TCF25: variants seen among roughly 807,000 people sequenced by gnomAD.
TCF25 encodes ribosome quality control complex subunit TCF25.
Under a neutral mutation model 83.1 loss-of-function variants are expected in TCF25, and 41 were observed. The ratio of observed to expected loss-of-function variants is 0.49; its 90% CI spans 0.38 to 0.64. The LOEUF (loss-of-function observed/expected upper bound fraction) is 0.64, where lower values mean the gene tolerates loss of function less well. Among genes scored for constraint, TCF25 ranks in the 30% least tolerant of loss-of-function variants. The pLI is 0.00. For synonymous variants in TCF25, 458 were observed against 365.0 expected, an observed-to-expected ratio of 1.25 and a Z score of -2.90; for missense variants, 979 against 914.5, an observed-to-expected ratio of 1.07 and a Z score of -0.91.
At chr16:89,907,405 TCCAACC>T (rs2044921005) in intron 16 of TCF25, 83 bp downstream of exon 16, 52 of 404,942 alleles carry the variant, frequency 1.3e-4, no homozygotes, top group Middle Eastern at 1.5e-3. Flanking sequence ...ACCTCCCAGC[TCCAACC>T]TTCCAGCTCC....
Position 89,883,396 on chromosome 16 carries a change from A to G in TCF25, c.238A>G (p.Arg80Gly), listed in dbSNP as rs1187437560. Reference sequence around the variant, plus strand: ...GGATGACCCTGTGGTGAACGGGGAGAGGTCTGGCTGTGCGCTCACAGACGC... The same window carrying G: ...GGATGACCCTGTGGTGAACGGGGAGGGGTCTGGCTGTGCGCTCACAGACGC... ...LEDDPVVNGE[R>G]SGCALTDAVA... Residue 80 changes from arginine to glycine, a missense_variant, in exon 2 of 18, where the codon AGG becomes GGG. Coordinates refer to ENST00000263346, the MANE Select transcript of TCF25 (RefSeq NM_014972.3). The G allele has an allele frequency of 1.2e-6, 2 of 1,613,588 alleles. No homozygotes were observed. Among genetic ancestry groups the G allele is most frequent in the Non-Finnish European group, 8.5e-7 (1 of 1,179,942 alleles).
intron 16 of TCF25, among the ~76,000 whole-genome samples, chr16:89,908,427 C>CCAGTTCCCACCTCCTTCCTCG (rs1173638530): frequency 1.3e-5 from 2 of 150,084 alleles, no homozygotes; most frequent in South Asian, 2.1e-4. Context: ...CTCCCACCTT[C>CCAGTTCCCACCTCCTTCCTCG]CAGTTCCCAC....
chr16:89,879,066 G>A (rs116282053), intron 1 of TCF25, among the ~76,000 whole-genome samples: 7,689 of 152,278 alleles, frequency 0.05, 579 homozygotes, highest in African/African-American at 0.16. Flanking sequence ...CCTGTCACCC[G>A]TGCTGTCTGT....
intron 6 of TCF25, 85 bp from the exon 7 acceptor site, chr16:89,893,643 G>A: frequency 1.2e-6 from 2 of 1,602,322 alleles, no homozygotes; most frequent in Non-Finnish European, 1.7e-6. Context: ...GCCTCATCCA[G>A]AACACCACGA....
intron 1 of TCF25, among the ~76,000 whole-genome samples, chr16:89,880,031 C>T (rs1000453971): frequency 2.6e-5 from 4 of 151,612 alleles, no homozygotes; most frequent in Admixed American, 6.6e-5. Flanking sequence ...GCCCATCACA[C>T]GTGCTGTCCG....
chr16:89,886,748 A>G (rs1475331135), intron 4 of TCF25, among the ~76,000 whole-genome samples: 4 of 151,774 alleles, frequency 2.6e-5, no homozygotes, highest in African/African-American at 7.3e-5. Context: ...GGCAACGAGC[A>G]AAACTCCGTC....
intron 13 of TCF25, chr16:89,904,420 T>A: frequency 1.7e-6 from 1 of 599,326 alleles, no homozygotes; most frequent in Non-Finnish European, 3.0e-6. Flanking sequence ...GCCTCCAGCT[T>A]AAAAACGAGG....
At chr16:89,892,433 G>C (rs1009808035) in intron 6 of TCF25, among the ~76,000 whole-genome samples, 158 bp downstream of exon 6, 1 of 152,124 alleles carries the variant, frequency 6.6e-6, no homozygotes. Flanking sequence ...TGGGCACCAG[G>C]GGCGTCAGTG....
In TCF25 at chr16:89,911,273, ATGT is replaced by A; in HGVS notation, c.*37_*39del. On this transcript the variant is annotated 3_prime_UTR_variant, in exon 18 of 18. Coordinates refer to ENST00000263346, the MANE Select transcript of TCF25 (RefSeq NM_014972.3). ...GAGGTGACCGAAAAGCCGTATGATG[ATGT>A]TCCCGATTTCTCTGTTGGTCGGAGT... 1 of 1,604,028 alleles carries A rather than the reference ATGT, an allele frequency of 6.2e-7. No individual in the cohort carries two copies. Among genetic ancestry groups the A allele is most frequent in the African/African-American group, 1.3e-5 (1 of 74,882 alleles).
chr16:89,894,880 A>C, intron 7 of TCF25, 158 bp from the exon 8 acceptor site: 1 of 546,760 alleles, frequency 1.8e-6, no homozygotes, highest in Non-Finnish European at 3.2e-6. Context: ...CCTGATATCA[A>C]GTGATCCTCC....
intron 1 of TCF25, among the ~76,000 whole-genome samples, chr16:89,876,064 G>A (rs1471576455): frequency 6.6e-6 from 1 of 151,870 alleles, no homozygotes; most frequent in Non-Finnish European, 1.5e-5. Flanking sequence ...AAAAAGTGTG[G>A]TTCATGAGTT....
intron 4 of TCF25, among the ~76,000 whole-genome samples, chr16:89,886,335 G>A (rs548025469): frequency 6.6e-6 from 1 of 152,212 alleles, no homozygotes; most frequent in South Asian, 2.1e-4. Flanking sequence ...GGCTGAGGCA[G>A]GAGAATGGCG....
intron 1 of TCF25, among the ~76,000 whole-genome samples, chr16:89,882,752 A>G (rs1051796365): frequency 6.6e-6 from 1 of 152,000 alleles, no homozygotes; most frequent in African/African-American, 2.4e-5. Flanking sequence ...GTGCCTGGCT[A>G]ATTTTTGTGT....
chr16:89,911,206 G>A lies in TCF25; in HGVS notation c.1999G>A (p.Asp667Asn). 1 of 1,612,540 alleles carries A rather than the reference G, an allele frequency of 6.2e-7. No homozygotes were observed. The highest frequency in any genetic ancestry group is 8.5e-7 in the Non-Finnish European group (1 of 1,179,960). Reference protein sequence around the residue: ...HLNDLEAPHEDDAEGEGEWD With the variant: ...HLNDLEAPHENDAEGEGEWD ...CAACGACCTGGAGGCGCCGCACGAG[G>A]ACGACGCTGAGGGGGAGGGGGAGTG... Residue 667 changes from aspartate (D) to asparagine (N), a missense_variant, in exon 18 of 18, where the codon GAC becomes AAC. Physicochemically the swap from Asp to Asn is conservative, Grantham distance 23. Coordinates refer to ENST00000263346, the MANE Select transcript of TCF25 (RefSeq NM_014972.3).
intron 11 of TCF25, among the ~76,000 whole-genome samples, chr16:89,899,809 G>A (rs531845402): frequency 2.0e-5 from 3 of 152,282 alleles, no homozygotes; most frequent in East Asian, 1.9e-4. Context: ...GGAAGGACAC[G>A]GGCTTTGTAA....
intron 5 of TCF25, among the ~76,000 whole-genome samples, chr16:89,888,824 C>T (rs1198587342): frequency 6.7e-6 from 1 of 150,130 alleles, no homozygotes; most frequent in African/African-American, 2.4e-5. Flanking sequence ...CAGGTGCACG[C>T]CACCACGCCC....
chr16:89,899,205 G>A (rs1451882294), intron 11 of TCF25, among the ~76,000 whole-genome samples: 4 of 152,196 alleles, frequency 2.6e-5, no homozygotes, highest in Non-Finnish European at 1.5e-5. Context: ...CTCATGGGCA[G>A]TTCAGGAAGA....
intron 5 of TCF25, among the ~76,000 whole-genome samples, 174 bp from the exon 6 acceptor site, chr16:89,892,019 C>T (rs2043470561): frequency 1.3e-5 from 2 of 152,288 alleles, no homozygotes; most frequent in Non-Finnish European, 2.9e-5. Context: ...ACCCGTCCCA[C>T]AGCAGTTGCT....
rs76558206 is a variant in TCF25 at position 89,899,295 on chromosome 16, A to C, written c.1221+423A>C. ...CAGCACGTCTGTCCTGTTCCATGGGAAGAGTGTGAGTACAGCAGGAGAGAC... is the reference window on the plus strand; with the variant it reads ...CAGCACGTCTGTCCTGTTCCATGGGCAGAGTGTGAGTACAGCAGGAGAGAC... On this transcript the variant is annotated intron_variant, in intron 11 of 17. Coordinates refer to ENST00000263346, the MANE Select transcript of TCF25 (RefSeq NM_014972.3). Among the ~76,000 whole-genome samples the C allele has an allele frequency of 5.7e-3, 873 of 152,286 alleles. 5 individuals are homozygous for C. The highest frequency in any genetic ancestry group is 0.02 in the African/African-American group (818 of 41,556).
Sources: gnomAD v4.1 joint callset for allele counts (sites outside exome capture counted in the v4.1 genomes callset) on GRCh38, gnomAD v4.1.1 for gene constraint, MANE v1.5 for transcripts, NCBI Gene and HGNC (gene_info 2026-07-23, HGNC 2026-07-21) for gene names.